The following C3orf52 variants were observed in gnomAD, a reference collection of about 807,000 sequenced individuals.
The protein encoded by C3orf52 is chromosome 3 open reading frame 52.
Under a neutral mutation model 24.8 loss-of-function variants are expected in C3orf52, and 22 were observed. The observed-to-expected ratio is 0.89, with a 90% CI of 0.63 to 1.27. The LOEUF is 1.27. C3orf52 is among the 50% of genes most tolerant of loss of function. The probability of loss-of-function intolerance (pLI) is 0.00; values close to 1 mark genes in which losing one functional copy is unlikely to be tolerated. For missense variants in C3orf52, 265 were observed against 260.7 expected, an observed-to-expected ratio of 1.02 and a Z score of -0.11; for synonymous variants, 93 against 100.2, an observed-to-expected ratio of 0.93 and a Z score of 0.43.
downstream of C3orf52, chr3:112,130,774 C>T (rs2074434536): frequency 8.0e-6 from 4 of 498,810 alleles, no homozygotes; most frequent in Non-Finnish European, 1.5e-5. Flanking sequence ...TCATCTGATC[C>T]CAAATATCCA....
chr3:112,124,742 G>A (rs2074273677), intron 4 of C3orf52, among the ~76,000 whole-genome samples: 1 of 152,206 alleles, frequency 6.6e-6, no homozygotes. Flanking sequence ...CACTTATGAT[G>A]GGATATCAGG....
intron 3 of C3orf52, among the ~76,000 whole-genome samples, chr3:112,105,428 G>C (rs1482769700): frequency 6.6e-6 from 1 of 152,086 alleles, no homozygotes; most frequent in Non-Finnish European, 1.5e-5. Flanking sequence ...TCTTCCATTA[G>C]GTCAAGTTTC....
chr3:112,125,395 C>G lies in C3orf52; in HGVS notation c.*47-2838C>G, dbSNP rs2074293665. ...TCTCAGGCTATTCTGATCTACAGCA[C>G]ATCCCTGGGGAGTGACAGGACATCT... On this transcript the variant is annotated intron_variant, in intron 4 of 4. Transcript: ENST00000480282. 1.1e-5 allele frequency: 7 copies of G among 659,620 alleles called. No individual in the cohort carries two copies. The South Asian group carries it at 1.2e-4, about 12-fold the overall frequency. 40.9% of individuals were successfully genotyped at this position (659,620 alleles called of 1,614,324 possible).
intron 1 of C3orf52, among the ~76,000 whole-genome samples, chr3:112,091,677 C>T (rs538383358): frequency 3.3e-5 from 5 of 152,092 alleles, no homozygotes; most frequent in East Asian, 1.9e-4. Context: ...GTGGACTGAC[C>T]GATTCGTTTT....
chr3:112,106,855 A>G (rs1490751941), intron 3 of C3orf52, among the ~76,000 whole-genome samples: 1 of 152,122 alleles, frequency 6.6e-6, no homozygotes, highest in Non-Finnish European at 1.5e-5. Flanking sequence ...CACCTGCCTT[A>G]TTCTGGAAGC....
chr3:112,125,317 G>C, intron 4 of C3orf52: 1 of 1,127,358 alleles, frequency 8.9e-7, no homozygotes, highest in South Asian at 1.2e-5. Context: ...GGAAGAGCAG[G>C]GGAGGCTAGA....
intron 4 of C3orf52, among the ~76,000 whole-genome samples, chr3:112,110,359 G>C (rs1293557529): frequency 6.6e-6 from 1 of 151,976 alleles, no homozygotes; most frequent in Non-Finnish European, 1.5e-5. Flanking sequence ...ATAAAAAAAA[G>C]AAGACATAAA....
At chr3:112,127,966 C>CAAAA in intron 4 of C3orf52, 3 of 1,519,660 alleles carry the variant, frequency 2.0e-6, no homozygotes, top group Non-Finnish European at 2.7e-6. Context: ...GCAAATACCA[C>CAAAA]ATTGAAACCA....
chr3:112,112,942 A>C (rs1559975724), intron 4 of C3orf52, 22 bp from the exon 5 acceptor site: 2 of 1,590,476 alleles, frequency 1.3e-6, no homozygotes, highest in East Asian at 2.2e-5. Flanking sequence ...TTTATGTTTT[A>C]ATGTCTTCCA....
chr3:112,106,330 C>T (rs540783755), intron 3 of C3orf52, among the ~76,000 whole-genome samples: 1 of 152,192 alleles, frequency 6.6e-6, no homozygotes, highest in South Asian at 2.1e-4. Context: ...TGGCCTCAAG[C>T]GATTCTCCCT....
chr3:112,133,245 G>T, downstream of C3orf52: 1 of 967,866 alleles, frequency 1.0e-6, no homozygotes, highest in Non-Finnish European at 1.6e-6. Context: ...TGCAGAGACA[G>T]CAGAAAGGAG....
At chr3:112,125,827 TG>T (rs2074305564) in intron 4 of C3orf52, among the ~76,000 whole-genome samples, 1 of 152,198 alleles carries the variant, frequency 6.6e-6, no homozygotes, top group Non-Finnish European at 1.5e-5. Context: ...TTCCTATACC[TG>T]CTGGCAGATA....
chr3:112,119,588 A>G, downstream of C3orf52: 2 of 699,020 alleles, frequency 2.9e-6, no homozygotes, highest in Non-Finnish European at 5.2e-6. Flanking sequence ...TTTGTCTTTT[A>G]CATGTGAATT....
At chr3:112,120,159 C>T (rs2074174045), downstream of C3orf52, among the ~76,000 whole-genome samples, 1 of 152,226 alleles carries the variant, frequency 6.6e-6, no homozygotes, top group Admixed American at 6.5e-5. Context: ...ACGGAATTTA[C>T]ACTGGTCCAC....
At chr3:112,124,585 G>A (rs1025565340) in intron 4 of C3orf52, among the ~76,000 whole-genome samples, 1 of 152,124 alleles carries the variant, frequency 6.6e-6, no homozygotes, top group Non-Finnish European at 1.5e-5. Context: ...TCCAGCCTGG[G>A]TGACAAGAGC....
chr3:112,087,190 G>A (rs2073837780), intron 1 of C3orf52, among the ~76,000 whole-genome samples: 1 of 152,148 alleles, frequency 6.6e-6, no homozygotes, highest in Admixed American at 6.5e-5. Context: ...TCGGCGCGGG[G>A]GAGGTGAACT....
At chr3:112,102,384 C>T (rs2073981150) in intron 2 of C3orf52, among the ~76,000 whole-genome samples, 1 of 151,250 alleles carries the variant, frequency 6.6e-6, no homozygotes, top group African/African-American at 2.4e-5. Context: ...GAATCTGAGT[C>T]TATAAATATA....
At chr3:112,099,877 G>T (rs906832827) in intron 2 of C3orf52, among the ~76,000 whole-genome samples, 2 of 152,220 alleles carry the variant, frequency 1.3e-5, no homozygotes, top group Admixed American at 1.3e-4. Context: ...CTTTATGCAT[G>T]TTGGTTTTCA....
chr3:112,115,906 G>T (rs340163), intron 5 of C3orf52, among the ~76,000 whole-genome samples: 1 of 152,014 alleles, frequency 6.6e-6, no homozygotes, highest in East Asian at 1.9e-4. Context: ...CCCTATCTTT[G>T]GTCTTCTTCA....
Sources: gnomAD v4.1 joint callset for allele counts (sites outside exome capture counted in the v4.1 genomes callset) on GRCh38, gnomAD v4.1.1 for gene constraint, MANE v1.5 for transcripts, NCBI Gene and HGNC (gene_info 2026-07-23, HGNC 2026-07-21) for gene names.